The following CEP70 variants were observed in gnomAD, a reference collection of about 807,000 sequenced individuals.
CEP70 encodes centrosomal protein of 70 kDa.
Under a neutral mutation model 90.9 loss-of-function variants are expected in CEP70, and 70 were observed. The observed-to-expected ratio is 0.77, with a 90% CI of 0.64 to 0.94. The LOEUF is 0.94. Among genes scored for constraint, CEP70 ranks in the 40% least tolerant of loss-of-function variants. CEP70 has a pLI of 0.00. For synonymous variants in CEP70, 220 were observed against 228.3 expected (o/e 0.96, Z 0.33); for missense variants, 648 against 669.0 (o/e 0.97, Z 0.35).
chr3:138,542,906 C>T (rs2038883486), intron 6 of CEP70, among the ~76,000 whole-genome samples: 1 of 152,174 alleles, frequency 6.6e-6, no homozygotes, highest in African/African-American at 2.4e-5. Context: ...TGGGCAGCTC[C>T]TATCCACAGT....
intron 16 of CEP70, 118 bp from the exon 17 acceptor site, chr3:138,498,228 A>G (rs529250069): frequency 1.5e-6 from 1 of 663,392 alleles, no homozygotes; most frequent in African/African-American, 1.8e-5. Context: ...AAACTTAATG[A>G]TCATTTACTA....
At chr3:138,533,517 G>GT (rs2038004682) in intron 7 of CEP70, among the ~76,000 whole-genome samples, 1 of 152,178 alleles carries the variant, frequency 6.6e-6, no homozygotes, top group Admixed American at 6.5e-5. Flanking sequence ...GCTAGCGGGT[G>GT]TATGAAGGGG....
Position 138,570,373 on chromosome 3 carries a change from G to A in CEP70, c.410C>T (p.Ala137Val), listed in dbSNP as rs750306271. Residue 137 changes from alanine (A) to valine (V), a missense_variant, in exon 6 of 18, where the codon GCT becomes GTT. Coordinates refer to ENST00000264982, the MANE Select transcript of CEP70 (RefSeq NM_024491.4). The part of the protein sequence containing the change: ...GELEDESLSR[A>V]CHQQNKIKDL... ...TTTTATTTTATTCTGTTGGTGGCAAGCCCTACTTAGTGATTCATCCTCCAA... is the reference window on the plus strand; with the variant it reads ...TTTTATTTTATTCTGTTGGTGGCAAACCCTACTTAGTGATTCATCCTCCAA... The A allele has an allele frequency of 2.9e-5, 47 of 1,604,738 alleles. No individual in the cohort carries two copies. In the South Asian group the frequency reaches 5.1e-4, roughly 17 times the overall value.
chr3:138,578,145 G>A (rs976575371), intron 2 of CEP70, among the ~76,000 whole-genome samples: 2 of 152,266 alleles, frequency 1.3e-5, no homozygotes, highest in Non-Finnish European at 2.9e-5. Flanking sequence ...CTCCTTATCT[G>A]CAGGTTTCAA....
chr3:138,588,351 A>C (rs1477862708), intron 2 of CEP70, among the ~76,000 whole-genome samples: 1 of 152,208 alleles, frequency 6.6e-6, no homozygotes, highest in Non-Finnish European at 1.5e-5. Flanking sequence ...TCATATCCAG[A>C]ATATATAGGG....
chr3:138,513,881 A>C (rs2035758421), intron 11 of CEP70, among the ~76,000 whole-genome samples: 1 of 152,316 alleles, frequency 6.6e-6, no homozygotes, highest in Admixed American at 6.5e-5. Context: ...TAACTCAAGA[A>C]GAGTCCATGT....
At chr3:138,519,385 T>G (rs2036380656) in intron 11 of CEP70, among the ~76,000 whole-genome samples, 1 of 152,128 alleles carries the variant, frequency 6.6e-6, no homozygotes, top group South Asian at 2.1e-4. Flanking sequence ...AATTGTCAGA[T>G]TCATCAAAGT....
At chr3:138,528,049 T>G (rs1431393878) in intron 10 of CEP70, among the ~76,000 whole-genome samples, 1 of 150,716 alleles carries the variant, frequency 6.6e-6, no homozygotes, top group East Asian at 1.9e-4. Flanking sequence ...TTTGAAGTTT[T>G]TTTTTTTTTT....
intron 11 of CEP70, among the ~76,000 whole-genome samples, chr3:138,512,226 G>T (rs2035600061): frequency 6.6e-6 from 1 of 152,150 alleles, no homozygotes. Context: ...CTAATGCTGG[G>T]GGTCAGGGAA....
chr3:138,554,403 G>A (rs1301314086), intron 6 of CEP70, among the ~76,000 whole-genome samples: 1 of 151,974 alleles, frequency 6.6e-6, no homozygotes, highest in Non-Finnish European at 1.5e-5. Context: ...TTGAGAACTA[G>A]AACAAGATGA....
At chr3:138,574,199 G>A (rs182576454) in intron 2 of CEP70, among the ~76,000 whole-genome samples, 30 of 152,304 alleles carry the variant, frequency 2.0e-4, no homozygotes, top group African/African-American at 6.3e-4. Flanking sequence ...AAAGGAAGCC[G>A]TGACAGACTG....
intron 6 of CEP70, among the ~76,000 whole-genome samples, chr3:138,557,545 C>T (rs1426818850): frequency 6.6e-6 from 1 of 152,164 alleles, no homozygotes; most frequent in Non-Finnish European, 1.5e-5. Context: ...TAATAAATGT[C>T]CACGAAATCT....
intron 6 of CEP70, among the ~76,000 whole-genome samples, chr3:138,540,941 G>A (rs777558268): frequency 8.5e-5 from 13 of 152,130 alleles, no homozygotes; most frequent in South Asian, 2.1e-4. Flanking sequence ...TGTCTTTTGC[G>A]AGAACATGGA....
chr3:138,524,121 G>T (rs2036964667), intron 11 of CEP70, among the ~76,000 whole-genome samples: 1 of 147,540 alleles, frequency 6.8e-6, no homozygotes, highest in South Asian at 2.1e-4. Context: ...ACAAGAAATG[G>T]GGAAAGGATT....
In CEP70 at chr3:138,500,770, C is replaced by A. The variant is rs762905167; in HGVS notation, c.1333G>T (p.Asp445Tyr). The A allele has an allele frequency of 6.2e-7, 1 of 1,603,748 alleles. No individual in the cohort carries two copies. Among genetic ancestry groups the A allele is most frequent in the Non-Finnish European group, 8.5e-7 (1 of 1,174,862 alleles). ...IKVEDLLFIV[D>Y]TMLEEVENKE... ...TTTTCAACTTCTTCCAGCATAGTAT[C>A]TACTATAAACAACAAATCTTCAACT... The change falls in exon 14 of 18, where the codon GAT becomes TAT. Residue 445 changes from aspartate (D) to tyrosine (Y), a missense_variant. Transcript: ENST00000264982.
chr3:138,522,945 C>A (rs1304667159), intron 11 of CEP70, among the ~76,000 whole-genome samples: 2 of 152,178 alleles, frequency 1.3e-5, no homozygotes, highest in Non-Finnish European at 2.9e-5. Flanking sequence ...AGACCAATAT[C>A]CCTGATGAAC....
At chr3:138,542,236 T>C (rs1050357860) in intron 6 of CEP70, among the ~76,000 whole-genome samples, 3 of 152,238 alleles carry the variant, frequency 2.0e-5, no homozygotes, top group Non-Finnish European at 4.4e-5. Flanking sequence ...CATGTGAGAC[T>C]GTGGCTGGAC....
chr3:138,518,852 G>A (rs999832319), intron 11 of CEP70, among the ~76,000 whole-genome samples: 5 of 152,288 alleles, frequency 3.3e-5, no homozygotes, highest in African/African-American at 1.2e-4. Context: ...GACGAGTTGA[G>A]AGAAGAAGAC....
chr3:138,497,416 T>C, intron 17 of CEP70: 1 of 1,138,276 alleles, frequency 8.8e-7, no homozygotes. Flanking sequence ...AAAATCATTC[T>C]TAATAGTAAG....
Sources: gnomAD v4.1 joint callset for allele counts (sites outside exome capture counted in the v4.1 genomes callset) on GRCh38, gnomAD v4.1.1 for gene constraint, MANE v1.5 for transcripts, NCBI Gene and HGNC (gene_info 2026-07-23, HGNC 2026-07-21) for gene names.